The following UBE2E2 variants were observed in gnomAD, a reference collection of about 807,000 sequenced individuals.
UBE2E2 encodes the protein ubiquitin conjugating enzyme E2 E2.
A neutral mutation model predicts 24.7 loss-of-function variants in UBE2E2; 6 were observed. The observed-to-expected ratio is 0.24, with a 90% CI of 0.13 to 0.48. The LOEUF is 0.48. Among genes scored for constraint, UBE2E2 ranks in the 20% least tolerant of loss-of-function variants. The probability of loss-of-function intolerance (pLI) is 0.99; values close to 1 mark genes in which losing one functional copy is unlikely to be tolerated. For missense variants in UBE2E2, 169 were observed against 245.0 expected (o/e 0.69, Z 2.07); for synonymous variants, 104 against 83.6 (o/e 1.24, Z -1.33).
chr3:23,232,305 C>CA (rs559452145), intron 3 of UBE2E2, among the ~76,000 whole-genome samples: 216 of 152,288 alleles, frequency 1.4e-3, no homozygotes, highest in African/African-American at 4.9e-3. Flanking sequence ...AATACTATTT[C>CA]AAAATATCCA....
In UBE2E2 at chr3:23,243,617, T is replaced by C. The variant is rs115117996; in HGVS notation, c.227+26305T>C. On this transcript the variant is annotated intron_variant, in intron 3 of 5. Transcript: ENST00000396703. ...GTTTTGTGGCTCAGCAAAAAATAATTCTACTGTTCAGCCATAATCATTTTG... is the reference window on the plus strand; with the variant it reads ...GTTTTGTGGCTCAGCAAAAAATAATCCTACTGTTCAGCCATAATCATTTTG... Among the ~76,000 whole-genome samples the C allele has an allele frequency of 7.9e-3, 1,206 of 152,348 alleles. 15 individuals are homozygous for C. The highest frequency in any genetic ancestry group is 0.022 in the African/African-American group (894 of 41,572).
intron 3 of UBE2E2, among the ~76,000 whole-genome samples, chr3:23,409,621 G>T (rs577084089): frequency 6.6e-6 from 1 of 152,232 alleles, no homozygotes; most frequent in East Asian, 1.9e-4. Context: ...TCTTCCTTAA[G>T]AATCTGTATT....
intron 3 of UBE2E2, among the ~76,000 whole-genome samples, chr3:23,463,170 C>A (rs1046433370): frequency 6.6e-6 from 1 of 152,002 alleles, no homozygotes; most frequent in African/African-American, 2.4e-5. Context: ...AAAATTATCT[C>A]TTTTTCCCCC....
intron 3 of UBE2E2, among the ~76,000 whole-genome samples, chr3:23,357,662 C>G (rs1446376844): frequency 6.6e-6 from 1 of 151,996 alleles, no homozygotes; most frequent in Non-Finnish European, 1.5e-5. Context: ...TTCCAGAAAA[C>G]AGTAAATATA....
chr3:23,338,395 T>C (rs1402485971), intron 3 of UBE2E2, among the ~76,000 whole-genome samples: 1 of 152,132 alleles, frequency 6.6e-6, no homozygotes, highest in African/African-American at 2.4e-5. Flanking sequence ...ATTTGAGATA[T>C]CAGTATGAAT....
At chr3:23,376,522 C>A (rs552504594) in intron 3 of UBE2E2, among the ~76,000 whole-genome samples, 115 of 152,282 alleles carry the variant, frequency 7.6e-4, no homozygotes, top group African/African-American at 2.6e-3. Flanking sequence ...GGATGGAAGC[C>A]GTCTTCTGTG....
chr3:23,502,271 C>G (rs1699740876), intron 4 of UBE2E2, among the ~76,000 whole-genome samples: 1 of 148,260 alleles, frequency 6.7e-6, no homozygotes, highest in Non-Finnish European at 1.5e-5. Flanking sequence ...CATTTTGATT[C>G]CTGCAACATT....
At chr3:23,486,848 G>C in intron 3 of UBE2E2, among the ~76,000 whole-genome samples, 1 of 152,192 alleles carries the variant, frequency 6.6e-6, no homozygotes, top group East Asian at 1.9e-4. Flanking sequence ...CTGGCTAAAA[G>C]GCGTCAATGA....
chr3:23,370,915 G>A (rs147993214), intron 3 of UBE2E2, among the ~76,000 whole-genome samples: 22 of 152,258 alleles, frequency 1.4e-4, no homozygotes, highest in African/African-American at 5.3e-4. Context: ...AGAAAAATGA[G>A]GCTGTTGCTT....
At chr3:23,572,525 C>T (rs1443524466) in intron 5 of UBE2E2, among the ~76,000 whole-genome samples, 1 of 152,078 alleles carries the variant, frequency 6.6e-6, no homozygotes, top group Admixed American at 6.5e-5. Context: ...AGCCCTTGCC[C>T]CCTTCCCCGA....
chr3:23,489,070 G>C (rs1699440781), intron 3 of UBE2E2, among the ~76,000 whole-genome samples: 1 of 152,228 alleles, frequency 6.6e-6, no homozygotes, highest in East Asian at 1.9e-4. Flanking sequence ...CAGATGTAGT[G>C]ACAGGATAAG....
intron 3 of UBE2E2, among the ~76,000 whole-genome samples, chr3:23,391,472 T>G (rs905337192): frequency 6.6e-6 from 1 of 152,350 alleles, no homozygotes; most frequent in African/African-American, 2.4e-5. Context: ...ATGCAAACAT[T>G]TAAAAATATG....
chr3:23,566,441 C>T (rs144814693), intron 5 of UBE2E2, among the ~76,000 whole-genome samples: 1 of 152,278 alleles, frequency 6.6e-6, no homozygotes, highest in Non-Finnish European at 1.5e-5. Context: ...AAGACAGACA[C>T]TCCAGACATG....
chr3:23,257,932 C>G (rs886475599), intron 3 of UBE2E2, among the ~76,000 whole-genome samples: 5 of 151,924 alleles, frequency 3.3e-5, no homozygotes, highest in African/African-American at 9.7e-5. Flanking sequence ...TCTCTTTCGT[C>G]TATTCCTCTA....
At chr3:23,348,241 A>G (rs550589552) in intron 3 of UBE2E2, among the ~76,000 whole-genome samples, 1 of 151,870 alleles carries the variant, frequency 6.6e-6, no homozygotes, top group African/African-American at 2.4e-5. Context: ...CTCTGCATAA[A>G]TGCTCCTGCT....
intron 3 of UBE2E2, among the ~76,000 whole-genome samples, chr3:23,382,282 A>G (rs970319189): frequency 6.8e-6 from 1 of 146,458 alleles, no homozygotes; most frequent in Admixed American, 7.4e-5. Context: ...ATCGGGTTCA[A>G]GCGATTCTCC....
chr3:23,332,718 T>TGC (rs1553603063), intron 3 of UBE2E2, among the ~76,000 whole-genome samples: 69 of 148,368 alleles, frequency 4.7e-4, no homozygotes, highest in South Asian at 1.5e-3. Flanking sequence ...TGTGTGTGTG[T>TGC]GCAGCTATGG....
chr3:23,479,438 G>A (rs1222657113), intron 3 of UBE2E2, among the ~76,000 whole-genome samples: 2 of 152,186 alleles, frequency 1.3e-5, no homozygotes, highest in African/African-American at 4.8e-5. Context: ...GCCTCAAAAA[G>A]GATGTCAACA....
intron 3 of UBE2E2, among the ~76,000 whole-genome samples, chr3:23,485,941 T>C (rs1053097892): frequency 6.6e-6 from 1 of 152,212 alleles, no homozygotes; most frequent in Non-Finnish European, 1.5e-5. Flanking sequence ...AGTTTCTTGC[T>C]TTGCCTGGTA....
Sources: allele counts gnomAD v4.1 joint callset (sites outside exome capture counted in the v4.1 genomes callset), GRCh38; gene constraint gnomAD v4.1.1; transcripts MANE v1.5; gene names NCBI Gene and HGNC (gene_info 2026-07-23, HGNC 2026-07-21).